DPP6: variants seen among roughly 807,000 people sequenced by gnomAD.
DPP6 encodes the protein A-type potassium channel modulatory protein DPP6.
DPP6 carries 69 observed loss-of-function variants against 122.6 expected under a neutral mutation model. The ratio of observed to expected loss-of-function variants is 0.56; its 90% confidence interval spans 0.46 to 0.69. The LOEUF (loss-of-function observed/expected upper bound fraction) is 0.69, where lower values mean the gene tolerates loss of function less well. Among genes scored for constraint, DPP6 ranks in the 30% least tolerant of loss-of-function variants. DPP6 has a pLI of 0.00. For synonymous variants in DPP6, 418 were observed against 433.1 expected, an observed-to-expected ratio of 0.97 and a Z score of 0.43; for missense variants, 928 against 1,116.9, an observed-to-expected ratio of 0.83 and a Z score of 2.41.
intron 10 of DPP6, among the ~76,000 whole-genome samples, chr7:154,779,743 C>A (rs1796912874): frequency 6.6e-6 from 1 of 152,154 alleles, no homozygotes; most frequent in African/African-American, 2.4e-5. Flanking sequence ...TCAGGTGATT[C>A]CTAAGTGTGG....
At chr7:154,627,420 G>A (rs1427146530) in intron 5 of DPP6, among the ~76,000 whole-genome samples, 2 of 150,726 alleles carry the variant, frequency 1.3e-5, no homozygotes, top group Non-Finnish European at 1.5e-5. Context: ...GGCTGGTCTC[G>A]ATCTCTTGAC....
intron 8 of DPP6, among the ~76,000 whole-genome samples, chr7:154,738,844 T>C (rs530560651): frequency 2.0e-5 from 3 of 152,334 alleles, no homozygotes; most frequent in Non-Finnish European, 2.9e-5. Context: ...AGCAGGAAGA[T>C]GTGCTGGTGG....
chr7:153,843,550 A>C, the DPP6 span, among the ~76,000 whole-genome samples: 1 of 152,126 alleles, frequency 6.6e-6, no homozygotes, highest in African/African-American at 2.4e-5. Flanking sequence ...CCACCAATGC[A>C]CTGGATATAC....
chr7:154,251,736 A>G (rs977480079), intron 1 of DPP6, among the ~76,000 whole-genome samples: 2 of 152,238 alleles, frequency 1.3e-5, no homozygotes, highest in East Asian at 1.9e-4. Context: ...AGCATCCAGC[A>G]TGGGAGAAAG....
intron 1 of DPP6, among the ~76,000 whole-genome samples, chr7:153,892,172 A>G (rs1799231105): frequency 6.6e-6 from 1 of 152,228 alleles, no homozygotes; most frequent in Non-Finnish European, 1.5e-5. Context: ...TCTTTCGGGC[A>G]TTTGACCGTT....
At chr7:154,449,975 T>C (rs1307501390) in intron 2 of DPP6, among the ~76,000 whole-genome samples, 1 of 151,738 alleles carries the variant, frequency 6.6e-6, no homozygotes, top group East Asian at 1.9e-4. Flanking sequence ...TGCCATTGCA[T>C]TCCAGCCTGG....
intron 1 of DPP6, among the ~76,000 whole-genome samples, chr7:153,967,053 C>A (rs1252987260): frequency 6.8e-6 from 1 of 147,482 alleles, no homozygotes; most frequent in East Asian, 2.0e-4. Context: ...AGTGACAGGG[C>A]AAGACCCTGT....
At chr7:153,941,682 G>A (rs912974868) in intron 1 of DPP6, among the ~76,000 whole-genome samples, 6 of 152,222 alleles carry the variant, frequency 3.9e-5, no homozygotes, top group Admixed American at 3.9e-4. Flanking sequence ...TCAGAAACGG[G>A]AATTCAAAGG....
At chr7:154,020,924 GC>G (rs1798668438) in intron 1 of DPP6, among the ~76,000 whole-genome samples, 1 of 152,154 alleles carries the variant, frequency 6.6e-6, no homozygotes, top group South Asian at 2.1e-4. Flanking sequence ...ACAAATCACT[GC>G]CCCCATTGTG....
In DPP6 at chr7:153,980,566, A is replaced by C. The variant is rs1368948054; in HGVS notation, c.51+92832A>C. ...TCTCCTTCAGTTCTGCTCTGATCTT[A>C]ATTATTTACTGTCTTCTGCTAGCTT... On this transcript the variant is annotated intron_variant, in intron 1 of 25. Coordinates refer to the DPP6 transcript ENST00000404039. 4.6e-5 allele frequency among the ~76,000 whole-genome samples: 7 copies of C among 151,964 alleles called. No individual in the cohort carries two copies. The East Asian group carries it at 9.7e-4, about 21-fold the overall frequency.
In DPP6 at chr7:154,095,630, A is replaced by G. The variant is rs1190317519; in HGVS notation, c.243+42567A>G. The stretch of plus-strand genomic sequence containing the variant: ...AACAAGCCCCAACTCGACGAGAGCC[A>G]AAGCAAGAGACACCATTTGGAGGGG... On this transcript the variant is annotated intron_variant, in intron 1 of 25. Coordinates refer to ENST00000377770, the MANE Select transcript of DPP6 (RefSeq NM_130797.4). 17 of 116,726 alleles carry G rather than the reference A, an allele frequency of 1.5e-4. 1 individual carries two copies. The highest frequency in any genetic ancestry group is 4.3e-3 in the Middle Eastern group (1 of 230). 7.2% of individuals were successfully genotyped at this position (116,726 alleles called of 1,614,324 possible). A position where few individuals can be genotyped will look rare whatever the true frequency, so the allele number is the denominator to read the frequency against.
chr7:154,563,058 C>T (rs546967014), intron 4 of DPP6, among the ~76,000 whole-genome samples: 1 of 152,074 alleles, frequency 6.6e-6, no homozygotes, highest in Admixed American at 6.5e-5. Flanking sequence ...AGAAACAAAT[C>T]AGAGAAAGGG....
chr7:153,774,763 A>T, the DPP6 span, among the ~76,000 whole-genome samples: 1 of 152,082 alleles, frequency 6.6e-6, no homozygotes, highest in Admixed American at 6.6e-5. Context: ...CCAAGAGTTC[A>T]AAACCAGCCT....
rs1440028076 is a variant in DPP6, at chr7:154,755,806, C to A, written c.884-13611C>A. Among the ~76,000 whole-genome samples the A allele has an allele frequency of 6.6e-6, 1 of 152,162 alleles. No individual in the cohort carries two copies. Among genetic ancestry groups the A allele is most frequent in the East Asian group, 1.9e-4 (1 of 5,194 alleles). ...GCCGAGCCCTTGGGTTGGAAGAGGT[C>A]GGAGTGGGGCGCGTCCCAGGTCGGG... On this transcript the variant is annotated intron_variant, in intron 8 of 25. Coordinates refer to ENST00000377770, the MANE Select transcript of DPP6 (RefSeq NM_130797.4). The surrounding 1 kb of genome is among the most constrained non-coding windows in gnomAD (Gnocchi z 4.7).
rs533785595 is a variant in DPP6, at chr7:154,063,668, C to A, written c.243+10605C>A. ...CCTCTTCCCCCTCTGGCGCTTAGGA[C>A]CCCCATCCCAGCGGGGGGAGGCACC... is the stretch of plus-strand genomic sequence containing the variant. On this transcript the variant is annotated intron_variant, in intron 1 of 25. Coordinates refer to ENST00000377770, the MANE Select transcript of DPP6 (RefSeq NM_130797.4). Among the ~76,000 whole-genome samples, 64 of 142,234 alleles carry A rather than the reference C, an allele frequency of 4.5e-4. 6 individuals are homozygous for A. Among genetic ancestry groups the A allele is most frequent in the Admixed American group, 2.7e-3 (38 of 14,320 alleles). The allele number at this position is 142,234 out of a possible 152,430, so 93.3% of individuals were successfully genotyped here. A position where few individuals can be genotyped will look rare whatever the true frequency, so the allele number is the denominator to read the frequency against.
chr7:154,761,955 T>C (rs1165797520), intron 8 of DPP6, among the ~76,000 whole-genome samples: 1 of 152,160 alleles, frequency 6.6e-6, no homozygotes, highest in Non-Finnish European at 1.5e-5. Flanking sequence ...TTTGGTTTTC[T>C]GTCCTTGCGA....
intron 1 of DPP6, among the ~76,000 whole-genome samples, chr7:153,910,384 C>G (rs1242412692): frequency 1.3e-5 from 2 of 152,076 alleles, no homozygotes; most frequent in Admixed American, 6.6e-5. Context: ...CACGAGCCCA[C>G]ACCCAGATAA....
At chr7:154,214,381 T>C (rs1799890302) in intron 1 of DPP6, among the ~76,000 whole-genome samples, 1 of 152,218 alleles carries the variant, frequency 6.6e-6, no homozygotes, top group South Asian at 2.1e-4. Context: ...CTCTGAGGTC[T>C]TTGCTGCAGA....
At chr7:154,521,045 T>A (rs1346594824) in intron 3 of DPP6, among the ~76,000 whole-genome samples, 1 of 152,218 alleles carries the variant, frequency 6.6e-6, no homozygotes, top group Non-Finnish European at 1.5e-5. Context: ...GTGAGGTTTT[T>A]TAAATAATAG....
Sources: gnomAD v4.1 joint callset for allele counts (sites outside exome capture counted in the v4.1 genomes callset) on GRCh38, gnomAD v4.1.1 for gene constraint, Gnocchi (gnomAD v3.1) non-coding constraint, MANE v1.5 for transcripts, NCBI Gene and HGNC (gene_info 2026-07-23, HGNC 2026-07-21) for gene names.